The following HYDIN variants were observed in gnomAD, a reference collection of about 807,000 sequenced individuals.
HYDIN encodes the protein axonemal central pair apparatus protein HYDIN.
Under a neutral mutation model 403.9 loss-of-function variants are expected in HYDIN, and 132 were observed. The observed-to-expected ratio is 0.33, with a 90% CI of 0.28 to 0.38. The LOEUF (loss-of-function observed/expected upper bound fraction) is 0.38, where lower values mean the gene tolerates loss of function less well. Ranked by LOEUF, HYDIN falls within the 10% of genes least tolerant of loss-of-function variation. The pLI, the probability that HYDIN is intolerant of heterozygous loss-of-function variation, is 1.00. For synonymous variants in HYDIN, 1,202 were observed against 1,891.7 expected, an observed-to-expected ratio of 0.64 and a Z score of 9.46; for missense variants, 2,827 against 5,009.5, an observed-to-expected ratio of 0.56 and a Z score of 13.15.
At chr16:71,058,915 C>T (rs1193623918) in intron 18 of HYDIN, among the ~76,000 whole-genome samples, 2 of 152,186 alleles carry the variant, frequency 1.3e-5, no homozygotes, top group East Asian at 1.9e-4. Flanking sequence ...ATGATGATTA[C>T]CTGCACTTAA....
intron 2 of HYDIN, 87 bp downstream of exon 2, chr16:71,186,674 G>C: frequency 1.3e-5 from 13 of 1,022,120 alleles, no homozygotes; most frequent in Non-Finnish European, 1.9e-5. Context: ...AATTCTGTTT[G>C]GCATTCTGAG....
chr16:71,065,382 C>A (rs74592654), intron 15 of HYDIN, among the ~76,000 whole-genome samples: 1 of 144,552 alleles, frequency 6.9e-6, no homozygotes. Context: ...GTCACTGTGC[C>A]GACATGGCGG....
At chr16:70,968,624 G>T (rs563762856) in intron 36 of HYDIN, among the ~76,000 whole-genome samples, 118 of 152,150 alleles carry the variant, frequency 7.8e-4, no homozygotes, top group Admixed American at 2.0e-3. Flanking sequence ...CCTGCATCTG[G>T]CAGTAAGAAG....
At chr16:71,025,899 T>G (rs2080675060) in intron 20 of HYDIN, among the ~76,000 whole-genome samples, 1 of 152,126 alleles carries the variant, frequency 6.6e-6, no homozygotes, top group African/African-American at 2.4e-5. Flanking sequence ...AGTTTTTGTC[T>G]TTTTCTTCCT....
intron 64 of HYDIN, among the ~76,000 whole-genome samples, chr16:70,872,640 C>A: frequency 7.4e-6 from 1 of 135,196 alleles, no homozygotes. Flanking sequence ...CATCCACCCT[C>A]GCATCCATCC....
intron 83 of HYDIN, among the ~76,000 whole-genome samples, chr16:70,820,376 A>G (rs2036174729): frequency 6.8e-6 from 1 of 146,752 alleles, no homozygotes; most frequent in Non-Finnish European, 1.5e-5. Flanking sequence ...TGTTTTTAGT[A>G]GAGATGGGGT....
chr16:70,837,984 G>C lies in HYDIN; in HGVS notation c.13044-96C>G. 3 of 1,372,002 alleles carry C rather than the reference G, an allele frequency of 2.2e-6. No homozygotes were observed. The South Asian group carries it at 4.2e-5, about 19-fold the overall frequency. The allele number at this position is 1,372,002 out of a possible 1,614,324, so 85.0% of individuals were successfully genotyped here. ...TGTCTCTTTGGGCTGGACACTGATG[G>C]GTTTCCTGCCCTGCTGTCCTAGAGT... On this transcript the variant is annotated intron_variant, in intron 76 of 85. Transcript: ENST00000393567.
At chr16:70,824,761 CACTT>C (rs992227735) in intron 83 of HYDIN, among the ~76,000 whole-genome samples, 8 of 151,890 alleles carry the variant, frequency 5.3e-5, no homozygotes, top group African/African-American at 1.2e-4. Context: ...GCACATGGCT[CACTT>C]ACTTATTTTT....
chr16:70,837,739 C>G lies in HYDIN; in HGVS notation c.13193G>C (p.Gly4398Ala). 1.2e-6 allele frequency: 2 copies of G among 1,613,836 alleles called. No individual in the cohort carries two copies. Among genetic ancestry groups the G allele is most frequent in the South Asian group, 1.1e-5 (1 of 91,064 alleles). The change falls in exon 77 of 86, where the codon GGG becomes GCG. Residue 4398 changes from glycine to alanine, a missense_variant. Transcript: ENST00000393567. ...YQELIPFEIN[G>A]LSQQTVEIKG... ...GATTTCGACTGTTTGTTGTGAGAGC[C>G]CATTGATTTCAAAGGGAATGAGTTC...
chr16:70,830,482 T>G (rs199917234), intron 80 of HYDIN, among the ~76,000 whole-genome samples: 9,417 of 142,406 alleles, frequency 0.066, 448 homozygotes, highest in East Asian at 0.2. Context: ...AAAGGAGGAC[T>G]TACGAGTATT....
At chr16:71,134,369 T>G (rs1192050694) in intron 8 of HYDIN, among the ~76,000 whole-genome samples, 3 of 152,268 alleles carry the variant, frequency 2.0e-5, no homozygotes, top group Middle Eastern at 3.4e-3. Context: ...CTATAGAGGT[T>G]GCTGAAGGAG....
In HYDIN at chr16:70,805,374, T is replaced by C. The variant is rs2035063715; in HGVS notation, c.*2206A>G. Among the ~76,000 whole-genome samples, 2 of 152,238 alleles carry C rather than the reference T, an allele frequency of 1.3e-5. No individual in the cohort carries two copies. The highest frequency in any genetic ancestry group is 6.5e-5 in the Admixed American group (1 of 15,292). On this transcript the variant is annotated 3_prime_UTR_variant, in exon 86 of 86. Coordinates refer to ENST00000393567, the MANE Select transcript of HYDIN (RefSeq NM_001270974.2). ...GCCTTTCTAACAAATTCCCAGGTGA[T>C]GCTGATGCTGCAGGTCCATAGGCCA...
In HYDIN at chr16:70,978,984, T is replaced by C. The variant is rs1160156698; in HGVS notation, c.4568A>G (p.Tyr1523Cys). The change falls in exon 30 of 86, where the codon TAT becomes TGT. Residue 1523 changes from tyrosine to cysteine, a missense_variant. By Grantham distance (194) the Tyr-to-Cys change is radical (BLOSUM62 -2). Transcript: ENST00000393567. ...NQARKNTDKE[Y>C]NKCEMLDHFD... ...GTGATCGAGCATTTCACATTTGTTATACTCTTTGTCTGTGTTTTTCCTGGC... is the reference window on the plus strand; with the variant it reads ...GTGATCGAGCATTTCACATTTGTTACACTCTTTGTCTGTGTTTTTCCTGGC... 5.0e-6 allele frequency: 8 copies of C among 1,613,878 alleles called. No individual in the cohort carries two copies. Among genetic ancestry groups the C allele is most frequent in the Non-Finnish European group, 6.8e-6 (8 of 1,180,020 alleles).
chr16:71,020,224 G>C lies in HYDIN; in HGVS notation c.3280C>G (p.Pro1094Ala), dbSNP rs1172635188. Reference protein sequence around the residue: ...PVNLLLSTSGPFFICETDKSL... With the variant: ...PVNLLLSTSGAFFICETDKSL... ...TTATCAGTCTCACATATAAAGAAGG[G>C]TCCAGATGTTGACAGCAACAAGTTC... The change falls in exon 22 of 86, where the codon CCC becomes GCC. Residue 1094 changes from proline (P) to alanine (A), a missense_variant. Transcript: ENST00000393567. 1 of 1,613,734 alleles carries C rather than the reference G, an allele frequency of 6.2e-7. No individual in the cohort carries two copies. Among genetic ancestry groups the C allele is most frequent in the African/African-American group, 1.3e-5 (1 of 74,874 alleles).
chr16:71,211,559 T>G (rs1469088947), intron 1 of HYDIN, among the ~76,000 whole-genome samples: 1 of 150,914 alleles, frequency 6.6e-6, no homozygotes, highest in Non-Finnish European at 1.5e-5. Context: ...GGAGAATGGC[T>G]TGAACCCGGG....
intron 1 of HYDIN, among the ~76,000 whole-genome samples, chr16:71,209,533 C>T (rs2144727830): frequency 6.6e-6 from 1 of 151,878 alleles, no homozygotes; most frequent in Middle Eastern, 3.4e-3. Context: ...AAGTCCTGGC[C>T]AGAGCAATCA....
chr16:70,916,354 C>T (rs1334445523), intron 47 of HYDIN, among the ~76,000 whole-genome samples: 1 of 152,210 alleles, frequency 6.6e-6, no homozygotes, highest in Non-Finnish European at 1.5e-5. Flanking sequence ...TTGCTCAACT[C>T]TCTAAATTGA....
intron 5 of HYDIN, among the ~76,000 whole-genome samples, chr16:71,165,506 C>G (rs9934283): frequency 0.35 from 51,778 of 148,758 alleles, 9,507 homozygotes; most frequent in East Asian, 0.57. Flanking sequence ...TCTACCTCCC[C>G]AGTGAGTGTA....
intron 76 of HYDIN, among the ~76,000 whole-genome samples, chr16:70,839,588 C>G (rs2037673578): frequency 6.6e-6 from 1 of 151,280 alleles, no homozygotes; most frequent in Non-Finnish European, 1.5e-5. Flanking sequence ...TTTGGGCCAG[C>G]CCTTGGAGAT....
Sources: gnomAD v4.1 joint callset for allele counts (sites outside exome capture counted in the v4.1 genomes callset) on GRCh38, gnomAD v4.1.1 for gene constraint, MANE v1.5 for transcripts, NCBI Gene and HGNC (gene_info 2026-07-23, HGNC 2026-07-21) for gene names.